KCTD18: variants seen among roughly 807,000 people sequenced by gnomAD.
KCTD18 encodes the protein potassium channel tetramerization domain containing 18.
KCTD18 carries 22 observed loss-of-function variants against 30.4 expected under a neutral mutation model. The ratio of observed to expected loss-of-function variants is 0.72; its 90% CI spans 0.52 to 1.03. The LOEUF (loss-of-function observed/expected upper bound fraction) is 1.03. KCTD18 is among the 50% of genes least tolerant of loss of function. KCTD18 has a pLI of 0.00. For synonymous variants in KCTD18, 186 were observed against 209.0 expected, an observed-to-expected ratio of 0.89 and a Z score of 0.95; for missense variants, 529 against 547.6, an observed-to-expected ratio of 0.97 and a Z score of 0.34.
At chr2:200,509,336 G>A (rs115447354) in intron 1 of KCTD18, among the ~76,000 whole-genome samples, 1,682 of 152,128 alleles carry the variant, frequency 0.011, 31 homozygotes, top group African/African-American at 0.038. Flanking sequence ...CTCCAGCACT[G>A]TTTCACCCCT....
At position 200,490,511 on chromosome 2, in the gene KCTD18, C is replaced by T; in HGVS notation, c.870G>A (p.Lys290=). ...GPSTSTQIKV[K]NSASVTVSPA... ...GAGACACCGTGACTGAGGCCGAGTT[C>T]TTGACTTTAATTTGGGTACTTGTGG... The change falls in exon 7 of 7, where the codon AAG becomes AAA. Residue 290 remains lysine (K), a synonymous_variant. Transcript: ENST00000359878. 1.9e-6 allele frequency: 3 copies of T among 1,608,500 alleles called. No homozygotes were observed. Among genetic ancestry groups the T allele is most frequent in the Non-Finnish European group, 2.5e-6 (3 of 1,180,010 alleles).
chr2:200,504,544 A>T (rs1396199451), intron 3 of KCTD18, among the ~76,000 whole-genome samples: 1 of 152,176 alleles, frequency 6.6e-6, no homozygotes, highest in Non-Finnish European at 1.5e-5. Context: ...GAGCAATATA[A>T]ACTCAATCAA....
rs569636252 is a variant in KCTD18, at chr2:200,504,933, G to A, written c.187C>T (p.Arg63Cys). The change falls in exon 3 of 7, where the codon CGT becomes TGT. Residue 63 changes from arginine to cysteine, a missense_variant. Arg to Cys is a radical substitution (Grantham distance 180). Coordinates refer to ENST00000359878, the MANE Select transcript of KCTD18 (RefSeq NM_152387.4). The stretch of plus-strand genomic sequence containing the variant: ...TAATCCAAAAGGTATTTAAATAGAC[G>A]TCCATCACGGTCAATAACACAAGCC... ...SGACVIDRDGRLFKYLLDYLH... is the reference protein window; with the variant it reads ...SGACVIDRDGCLFKYLLDYLH... 7.4e-6 allele frequency: 12 copies of A among 1,613,854 alleles called. No homozygotes were observed. The highest frequency in any genetic ancestry group is 1.6e-4 in the Middle Eastern group (1 of 6,062).
At chr2:200,506,824 T>C in intron 2 of KCTD18, 33 bp downstream of exon 2, 5 of 1,602,868 alleles carry the variant, frequency 3.1e-6, no homozygotes, top group Non-Finnish European at 3.4e-6. Context: ...TTAATAAATA[T>C]TCAGATCATG....
chr2:200,490,712 T>C lies in KCTD18; in HGVS notation c.765-96A>G, dbSNP rs1489084627. On this transcript the variant is annotated intron_variant, in intron 6 of 6. Transcript: ENST00000359878. Reference sequence around the variant, plus strand: ...TACCTTCAGCATTAACAGAAAGGTTTTGGTCAAGAATTAAAGAGTCAAGAG... The same window carrying C: ...TACCTTCAGCATTAACAGAAAGGTTCTGGTCAAGAATTAAAGAGTCAAGAG... The C allele has an allele frequency of 1.0e-5, 14 of 1,381,412 alleles. No individual in the cohort carries two copies. In the African/African-American group the frequency reaches 1.7e-4, roughly 17 times the overall value. The allele number at this position is 1,381,412 out of a possible 1,614,324, so 85.6% of individuals were successfully genotyped here. A position where few individuals can be genotyped will look rare whatever the true frequency, so the allele number is the denominator to read the frequency against.
chr2:200,490,819 C>T (rs1194434866), intron 6 of KCTD18, among the ~76,000 whole-genome samples: 1 of 152,072 alleles, frequency 6.6e-6, no homozygotes, highest in Non-Finnish European at 1.5e-5. Context: ...AATTTGAATA[C>T]GAATTATGTA....
intron 3 of KCTD18, among the ~76,000 whole-genome samples, chr2:200,501,656 TG>T (rs1396991598): frequency 4.9e-5 from 7 of 142,220 alleles, no homozygotes; most frequent in Admixed American, 4.3e-4. Context: ...GGAGAGGATG[TG>T]GAGAAATAGG....
Position 200,502,022 on chromosome 2 carries a change from T to G in KCTD18, c.372+2726A>C, listed in dbSNP as rs74908625. Reference sequence around the variant, plus strand: ...TGAAATTGGAAATCATCATTCTCAGTAAACTATCGCAAGAACAAAAAACCA... The same window carrying G: ...TGAAATTGGAAATCATCATTCTCAGGAAACTATCGCAAGAACAAAAAACCA... On this transcript the variant is annotated intron_variant, in intron 3 of 6. Transcript: ENST00000359878. Among the ~76,000 whole-genome samples, 172 of 151,498 alleles carry G rather than the reference T, an allele frequency of 1.1e-3. 1 individual carries two copies. Among genetic ancestry groups the G allele is most frequent in the African/African-American group, 4.0e-3 (166 of 41,214 alleles).
chr2:200,507,705 G>A (rs564827845), intron 1 of KCTD18, among the ~76,000 whole-genome samples: 298 of 152,308 alleles, frequency 2.0e-3, no homozygotes, highest in Non-Finnish European at 3.3e-3. Flanking sequence ...TCTACTGAGG[G>A]ACTTGATATT....
At chr2:200,500,936 G>T (rs1017118460) in intron 3 of KCTD18, among the ~76,000 whole-genome samples, 7 of 151,728 alleles carry the variant, frequency 4.6e-5, no homozygotes, top group South Asian at 2.1e-4. Context: ...CCAAAACAGA[G>T]ATATAGATCA....
intron 2 of KCTD18, among the ~76,000 whole-genome samples, chr2:200,506,605 G>GT (rs949604535): frequency 6.6e-6 from 1 of 152,172 alleles, no homozygotes; most frequent in Non-Finnish European, 1.5e-5. Flanking sequence ...TCAAAATACA[G>GT]TTAATCCCCA....
chr2:200,497,856 A>G lies in KCTD18; in HGVS notation c.567-9T>C. 2.5e-6 allele frequency: 4 copies of G among 1,578,004 alleles called. No homozygotes were observed. Among genetic ancestry groups the G allele is most frequent in the Non-Finnish European group, 3.5e-6 (4 of 1,148,544 alleles). On this transcript the variant is annotated splice_polypyrimidine_tract_variant and intron_variant, in intron 4 of 6. Transcript: ENST00000359878. ...CATTATTTCCCGCCTCTCTAGAAAT[A>G]TTGCAAAGAGTAATGAAAATATACT...
intron 6 of KCTD18, among the ~76,000 whole-genome samples, chr2:200,490,820 G>T (rs938230205): frequency 6.6e-6 from 1 of 152,028 alleles, no homozygotes; most frequent in African/African-American, 2.4e-5. Context: ...ATTTGAATAC[G>T]AATTATGTAA....
rs569262259 is a variant in KCTD18, at chr2:200,490,310, C to G, written c.1071G>C (p.Thr357=). ...PGAASAENGG[T]HLPPAKVLLS... is the part of the protein sequence containing the mutation. ...GTAGCACCTTAGCTGGAGGTAAGTG[C>G]GTGCCTCCATTTTCAGCGCTCGCAG... The change falls in exon 7 of 7, where the codon ACG becomes ACC. Residue 357 remains threonine, a synonymous_variant. Coordinates refer to ENST00000359878, the MANE Select transcript of KCTD18 (RefSeq NM_152387.4). The G allele has an allele frequency of 4.3e-6, 7 of 1,614,250 alleles. No individual in the cohort carries two copies. Among genetic ancestry groups the G allele is most frequent in the Admixed American group, 1.7e-5 (1 of 60,032 alleles).
At chr2:200,496,861 G>A (rs1349752628) in intron 5 of KCTD18, 1 of 152,468 alleles carries the variant, frequency 6.6e-6, no homozygotes, top group Non-Finnish European at 1.5e-5. Flanking sequence ...GGAGTGCAGT[G>A]GTGTGATAAC....
At chr2:200,500,901 T>C (rs2088073992) in intron 3 of KCTD18, among the ~76,000 whole-genome samples, 1 of 152,120 alleles carries the variant, frequency 6.6e-6, no homozygotes, top group Admixed American at 6.5e-5. Flanking sequence ...AAGGCTACAG[T>C]AACCAAAACA....
At chr2:200,497,642 G>GT in intron 5 of KCTD18, 111 bp downstream of exon 5, 2 of 775,896 alleles carry the variant, frequency 2.6e-6, no homozygotes, top group Non-Finnish European at 4.5e-6. Context: ...CAAATACATT[G>GT]TAAGACTCAA....
chr2:200,490,599 T>C lies in KCTD18; in HGVS notation c.782A>G (p.Asn261Ser), dbSNP rs747956684. 1.3e-5 allele frequency: 21 copies of C among 1,592,188 alleles called. No homozygotes were observed. The highest frequency in any genetic ancestry group is 3.3e-5 in the South Asian group (3 of 90,544). ...ATAGTTCACACTTTCGTCCGCTTCA[T>C]TGAACGTTATCAGTCGCCTAGAAAT... is the stretch of plus-strand genomic sequence containing the variant. ...PIRKRRLITFNEADESVNYKT... is the reference protein window; with the variant it reads ...PIRKRRLITFSEADESVNYKT... Residue 261 changes from asparagine (N) to serine (S), a missense_variant, in exon 7 of 7, where the codon AAT (asparagine) becomes AGT (serine). By Grantham distance (46) the Asn-to-Ser change is conservative. Coordinates refer to ENST00000359878, the MANE Select transcript of KCTD18 (RefSeq NM_152387.4).
chr2:200,496,792 C>T (rs1439929185), intron 5 of KCTD18: 1 of 152,282 alleles, frequency 6.6e-6, no homozygotes, highest in Non-Finnish European at 1.5e-5. Flanking sequence ...TGCACCCAGC[C>T]AATGCAGTTT....
Sources: gnomAD v4.1 joint callset for allele counts (sites outside exome capture counted in the v4.1 genomes callset) on GRCh38, gnomAD v4.1.1 for gene constraint, MANE v1.5 for transcripts, NCBI Gene and HGNC (gene_info 2026-07-23, HGNC 2026-07-21) for gene names.